Variants in LMAN2L observed in about 807,000 individuals in gnomAD.
LMAN2L encodes the protein lectin, mannose binding 2 like, also known as VIP36-like protein.
LMAN2L carries 30 observed loss-of-function variants against 44.3 expected under a neutral mutation model. That is an observed-to-expected ratio of 0.68 (90% CI 0.51 to 0.92). The LOEUF (loss-of-function observed/expected upper bound fraction) is 0.92, where lower values mean the gene tolerates loss of function less well. Ranked by LOEUF, LMAN2L falls within the 40% of genes least tolerant of loss-of-function variation. The probability of loss-of-function intolerance (pLI) is 0.00; values close to 1 mark genes in which losing one functional copy is unlikely to be tolerated. For missense variants in LMAN2L, 429 were observed against 446.1 expected (o/e 0.96, Z 0.35); for synonymous variants, 183 against 171.1 (o/e 1.07, Z -0.54).
At chr2:96,725,543 C>T (rs2078252729) in intron 4 of LMAN2L, among the ~76,000 whole-genome samples, 2 of 150,958 alleles carry the variant, frequency 1.3e-5, no homozygotes, top group Non-Finnish European at 3.0e-5. Context: ...CCCAGGTTCA[C>T]GCCATTCTCC....
chr2:96,724,461 T>C (rs2078225658), intron 4 of LMAN2L, among the ~76,000 whole-genome samples: 1 of 152,260 alleles, frequency 6.6e-6, no homozygotes. Context: ...ATAGAACATC[T>C]TTCCATTTAC....
chr2:96,727,704 T>C (rs565600556), intron 4 of LMAN2L, among the ~76,000 whole-genome samples: 1 of 152,302 alleles, frequency 6.6e-6, no homozygotes, highest in South Asian at 2.1e-4. Flanking sequence ...AGAAAAATGT[T>C]TTTACCACTG....
intron 4 of LMAN2L, among the ~76,000 whole-genome samples, chr2:96,719,703 C>A (rs2078111812): frequency 6.6e-6 from 1 of 152,112 alleles, no homozygotes; most frequent in South Asian, 2.1e-4. Flanking sequence ...TCAAACAATT[C>A]TTCTGCCTCA....
At chr2:96,712,131 G>C in intron 4 of LMAN2L, 106 bp from the exon 5 acceptor site, 1 of 1,136,842 alleles carries the variant, frequency 8.8e-7, no homozygotes, top group East Asian at 2.5e-5. Flanking sequence ...CCTTACAGCA[G>C]AATAGGCAGC....
At chr2:96,733,664 T>A in intron 3 of LMAN2L, 63 bp from the exon 4 acceptor site, 9 of 1,314,834 alleles carry the variant, frequency 6.8e-6, no homozygotes, top group Non-Finnish European at 8.8e-6. Context: ...AGGAATAATA[T>A]ATCACTATGA....
chr2:96,729,528 G>A (rs1042743218), intron 4 of LMAN2L, among the ~76,000 whole-genome samples: 4 of 150,510 alleles, frequency 2.7e-5, no homozygotes, highest in Non-Finnish European at 5.9e-5. Context: ...TTTTTTTTGA[G>A]ACAGAGTCTT....
intron 1 of LMAN2L, among the ~76,000 whole-genome samples, chr2:96,738,868 G>A (rs2078573309): frequency 6.6e-6 from 1 of 151,988 alleles, no homozygotes; most frequent in African/African-American, 2.4e-5. Context: ...AGCCTCCTGA[G>A]TAGCTGGGAC....
chr2:96,712,126 C>G (rs949143324), intron 4 of LMAN2L, 101 bp from the exon 5 acceptor site: 117 of 1,207,308 alleles, frequency 9.7e-5, no homozygotes, highest in Non-Finnish European at 1.3e-4. Flanking sequence ...GAGCCCCTTA[C>G]AGCAGAATAG....
At chr2:96,709,843 TGG>T (rs2077873892) in intron 6 of LMAN2L, among the ~76,000 whole-genome samples, 1 of 152,186 alleles carries the variant, frequency 6.6e-6, no homozygotes, top group Non-Finnish European at 1.5e-5. Flanking sequence ...CTTACTAACT[TGG>T]GTATTCTCAC....
chr2:96,736,125 C>CA (rs2078510271), intron 2 of LMAN2L, among the ~76,000 whole-genome samples: 2 of 152,186 alleles, frequency 1.3e-5, no homozygotes, highest in Non-Finnish European at 2.9e-5. Flanking sequence ...CCCAGTGAGC[C>CA]AAGAGGTGTC....
At chr2:96,725,229 CCT>C (rs919248641) in intron 4 of LMAN2L, among the ~76,000 whole-genome samples, 6 of 151,778 alleles carry the variant, frequency 4.0e-5, no homozygotes, top group African/African-American at 9.7e-5. Context: ...AAATCCCTCC[CCT>C]GTTGGGATTA....
At chr2:96,722,977 G>A (rs1473908548) in intron 4 of LMAN2L, among the ~76,000 whole-genome samples, 1 of 151,940 alleles carries the variant, frequency 6.6e-6, no homozygotes, top group Admixed American at 6.6e-5. Flanking sequence ...CTGAGATCAC[G>A]CCACTGCACT....
chr2:96,729,733 C>A (rs1044200416), intron 4 of LMAN2L, among the ~76,000 whole-genome samples: 1 of 152,108 alleles, frequency 6.6e-6, no homozygotes, highest in Admixed American at 6.6e-5. Flanking sequence ...GTCTCGAACT[C>A]CTGACCTTGT....
At chr2:96,722,944 C>G (rs1360747711) in intron 4 of LMAN2L, among the ~76,000 whole-genome samples, 2 of 151,912 alleles carry the variant, frequency 1.3e-5, no homozygotes, top group African/African-American at 2.4e-5. Context: ...CACTTGAGCC[C>G]AGGAGGCAGA....
intron 4 of LMAN2L, among the ~76,000 whole-genome samples, chr2:96,713,346 C>T (rs892655875): frequency 1.1e-4 from 16 of 152,138 alleles, no homozygotes; most frequent in Admixed American, 6.5e-4. Flanking sequence ...ACCATATGCA[C>T]GGGTGCTTGT....
intron 2 of LMAN2L, 41 bp downstream of exon 2, chr2:96,737,908 C>T (rs1308383274): frequency 3.8e-6 from 5 of 1,317,248 alleles, no homozygotes; most frequent in African/African-American, 1.4e-5. Context: ...ACTTTTTAGG[C>T]CTTTCTGGGT....
chr2:96,739,851 C>A lies in LMAN2L; in HGVS notation c.187+3G>T, dbSNP rs772551733. The A allele has an allele frequency of 1.2e-5, 20 of 1,613,214 alleles. No individual in the cohort carries two copies. The highest frequency in any genetic ancestry group is 1.7e-5 in the Admixed American group (1 of 60,000). ...CACGACCACCTCACCCTGGGCGCCT[C>A]ACCCTGGTAGGGCTTCGACAGCGAG... is the stretch of plus-strand genomic sequence containing the variant. On this transcript the variant is annotated splice_donor_region_variant and intron_variant, in intron 1 of 7. Coordinates refer to ENST00000264963, the MANE Select transcript of LMAN2L (RefSeq NM_030805.4).
intron 4 of LMAN2L, among the ~76,000 whole-genome samples, chr2:96,726,871 G>A (rs1046025791): frequency 2.0e-5 from 3 of 152,020 alleles, no homozygotes; most frequent in Admixed American, 1.3e-4. Flanking sequence ...ATCACTTCAG[G>A]TCAGGAGTTC....
At chr2:96,715,199 A>C (rs1249989732) in intron 4 of LMAN2L, among the ~76,000 whole-genome samples, 6 of 152,156 alleles carry the variant, frequency 3.9e-5, no homozygotes, top group Admixed American at 1.3e-4. Flanking sequence ...GGCCTCCCAA[A>C]GTGCTGGGAT....
Sources: gnomAD v4.1 joint callset for allele counts (sites outside exome capture counted in the v4.1 genomes callset) on GRCh38, gnomAD v4.1.1 for gene constraint, MANE v1.5 for transcripts, NCBI Gene and HGNC (gene_info 2026-07-23, HGNC 2026-07-21) for gene names.